The following SMYD2 variants were observed in gnomAD, a reference collection of about 807,000 sequenced individuals.
SMYD2 encodes SET and MYND domain containing 2, also known as N-lysine methyltransferase SMYD2.
SMYD2 carries 53 observed loss-of-function variants against 59.1 expected under a neutral mutation model. The observed-to-expected ratio is 0.90, with a 90% CI of 0.72 to 1.13. The LOEUF (loss-of-function observed/expected upper bound fraction) is 1.13, where lower values mean the gene tolerates loss of function less well. Among genes scored for constraint, SMYD2 ranks in the 50% most tolerant of loss-of-function variants. The probability of loss-of-function intolerance (pLI) is 0.00; values close to 1 mark genes in which losing one functional copy is unlikely to be tolerated. For missense variants in SMYD2, 494 were observed against 544.7 expected (o/e 0.91, Z 0.93); for synonymous variants, 208 against 198.8 (o/e 1.05, Z -0.39).
chr1:214,306,628 A>T (rs1404630341), intron 2 of SMYD2, among the ~76,000 whole-genome samples: 2 of 152,216 alleles, frequency 1.3e-5, no homozygotes, highest in African/African-American at 4.8e-5. Context: ...CCAATTGTAG[A>T]TAGAGTAGTG....
Position 214,281,170 on chromosome 1 carries a change from C to G in SMYD2, c.-85C>G. The G allele has an allele frequency of 4.7e-6, 5 of 1,058,298 alleles. No individual in the cohort carries two copies. The highest frequency in any genetic ancestry group is 9.5e-5 in the South Asian group (2 of 20,946). The allele number at this position is 1,058,298 out of a possible 1,614,324, so 65.6% of individuals were successfully genotyped here. A position where few individuals can be genotyped will look rare whatever the true frequency, so the allele number is the denominator to read the frequency against. ...GCCGGGCGGCTCCCACCCCGCCCCCCGCAGCTCTAGGTGACGCGTCTCCAA... is the reference window on the plus strand; with the variant it reads ...GCCGGGCGGCTCCCACCCCGCCCCCGGCAGCTCTAGGTGACGCGTCTCCAA... On this transcript the variant is annotated 5_prime_UTR_variant, in exon 1 of 12. Transcript: ENST00000366957.
chr1:214,297,123 C>T (rs1253799381), intron 1 of SMYD2, among the ~76,000 whole-genome samples: 3 of 152,142 alleles, frequency 2.0e-5, no homozygotes, highest in African/African-American at 4.8e-5. Flanking sequence ...CCTGTGGCTC[C>T]GCATTCTAGA....
intron 3 of SMYD2, among the ~76,000 whole-genome samples, chr1:214,316,897 A>G (rs1222200969): frequency 6.6e-6 from 1 of 152,190 alleles, no homozygotes; most frequent in Non-Finnish European, 1.5e-5. Context: ...GTCAGAGGGA[A>G]TAGGATGACT....
At chr1:214,289,457 C>A (rs1053263889) in intron 1 of SMYD2, among the ~76,000 whole-genome samples, 1 of 152,120 alleles carries the variant, frequency 6.6e-6, no homozygotes, top group African/African-American at 2.4e-5. Flanking sequence ...ATTGACTCCC[C>A]CCATCCACAC....
chr1:214,309,670 G>A (rs919318691), intron 2 of SMYD2, among the ~76,000 whole-genome samples: 2 of 152,186 alleles, frequency 1.3e-5, no homozygotes, highest in African/African-American at 4.8e-5. Flanking sequence ...GGTGATTAGT[G>A]TAATGGGGCC....
At chr1:214,293,633 G>T (rs1656674220) in intron 1 of SMYD2, among the ~76,000 whole-genome samples, 1 of 152,002 alleles carries the variant, frequency 6.6e-6, no homozygotes, top group African/African-American at 2.4e-5. Context: ...CATTTTGCCT[G>T]ATATTTATAT....
intron 2 of SMYD2, among the ~76,000 whole-genome samples, chr1:214,309,338 G>A (rs947184308): frequency 1.3e-5 from 2 of 150,912 alleles, no homozygotes. Flanking sequence ...TTCTAAATAC[G>A]CCTGGGAAGC....
intron 1 of SMYD2, among the ~76,000 whole-genome samples, chr1:214,304,472 C>T (rs559868282): frequency 8.1e-5 from 12 of 148,752 alleles, no homozygotes; most frequent in Admixed American, 2.7e-4. Flanking sequence ...TGTGGGAGAA[C>T]GGCCTACGCC....
At chr1:214,333,952 G>T in intron 10 of SMYD2, 2 of 371,108 alleles carry the variant, frequency 5.4e-6, no homozygotes, top group Non-Finnish European at 1.0e-5. Flanking sequence ...TTTTGAATAG[G>T]ATTTCTCCTG....
chr1:214,297,169 C>T (rs1656745349), intron 1 of SMYD2, among the ~76,000 whole-genome samples: 1 of 152,124 alleles, frequency 6.6e-6, no homozygotes, highest in African/African-American at 2.4e-5. Context: ...TTCTAAAAGT[C>T]CTAGTGCCTG....
chr1:214,292,393 C>T (rs1558048614), intron 1 of SMYD2, among the ~76,000 whole-genome samples: 1 of 152,148 alleles, frequency 6.6e-6, no homozygotes, highest in Admixed American at 6.5e-5. Flanking sequence ...TCCTTTGGTT[C>T]TGAGAAATCT....
In SMYD2 at chr1:214,318,766, G is replaced by C; in HGVS notation, c.410-93G>C. On this transcript the variant is annotated intron_variant, in intron 4 of 11. Coordinates refer to ENST00000366957, the MANE Select transcript of SMYD2 (RefSeq NM_020197.3). The surrounding 1 kb of genome is among the most constrained non-coding windows in gnomAD (Gnocchi z 5.4). Reference sequence around the variant, plus strand: ...GTTTTGGGTTTTTTTTTTTTCGCCCGTTCCTTTCCTCTGTATCATTTACAG... The same window carrying C: ...GTTTTGGGTTTTTTTTTTTTCGCCCCTTCCTTTCCTCTGTATCATTTACAG... 2.3e-6 allele frequency: 3 copies of C among 1,308,556 alleles called. No homozygotes were observed. The highest frequency in any genetic ancestry group is 3.1e-6 in the Non-Finnish European group (3 of 967,306). 81.1% of individuals were successfully genotyped at this position (1,308,556 alleles called of 1,614,324 possible).
chr1:214,317,413 G>C (rs4655332), intron 3 of SMYD2, among the ~76,000 whole-genome samples: 1 of 152,052 alleles, frequency 6.6e-6, no homozygotes, highest in African/African-American at 2.4e-5. Flanking sequence ...GGAGGTGAGC[G>C]TGCCCTGCTA....
In SMYD2 at chr1:214,286,446, G is replaced by C. The variant is rs371678748; in HGVS notation, c.173+5019G>C. Among the ~76,000 whole-genome samples, 183 of 152,132 alleles carry C rather than the reference G, an allele frequency of 1.2e-3. 4 individuals carry two copies. The South Asian group carries it at 0.035, about 29-fold the overall frequency. On this transcript the variant is annotated intron_variant, in intron 1 of 11. Coordinates refer to ENST00000366957, the MANE Select transcript of SMYD2 (RefSeq NM_020197.3). ...CCATATCACTTACTCCAGCCTGGAA[G>C]ACAAAGTGAGACCCTGTCTCTTAAA... is the stretch of plus-strand genomic sequence containing the variant.
chr1:214,313,850 G>A (rs1479391133), intron 2 of SMYD2, among the ~76,000 whole-genome samples: 7 of 151,982 alleles, frequency 4.6e-5, no homozygotes, highest in African/African-American at 1.5e-4. Context: ...CCCTCTACCC[G>A]GGGCAGGGAA....
intron 2 of SMYD2, among the ~76,000 whole-genome samples, chr1:214,306,436 G>A (rs1656916578): frequency 6.6e-6 from 1 of 152,174 alleles, no homozygotes; most frequent in Non-Finnish European, 1.5e-5. Context: ...ACCTTGGCTT[G>A]GGAAGCTCAG....
At chr1:214,326,579 C>T (rs932162719) in intron 6 of SMYD2, among the ~76,000 whole-genome samples, 4 of 152,318 alleles carry the variant, frequency 2.6e-5, no homozygotes, top group African/African-American at 9.6e-5. Flanking sequence ...CAGGAAGCTG[C>T]TACCTGTTTA....
chr1:214,308,576 G>A (rs1656950307), intron 2 of SMYD2, among the ~76,000 whole-genome samples: 2 of 152,132 alleles, frequency 1.3e-5, no homozygotes, highest in Admixed American at 1.3e-4. Context: ...GCAGCGATGA[G>A]GAAGGTAATT....
At chr1:214,302,045 G>T (rs530428313) in intron 1 of SMYD2, among the ~76,000 whole-genome samples, 2 of 152,270 alleles carry the variant, frequency 1.3e-5, no homozygotes, top group South Asian at 4.1e-4. Context: ...TGGCAGTAAA[G>T]AATACAGTGT....
Sources: allele counts gnomAD v4.1 joint callset (sites outside exome capture counted in the v4.1 genomes callset), GRCh38; gene constraint gnomAD v4.1.1; non-coding constraint Gnocchi (gnomAD v3.1); transcripts MANE v1.5; gene names NCBI Gene and HGNC (gene_info 2026-07-23, HGNC 2026-07-21).